The following CWC27 variants were observed in gnomAD, a reference collection of about 807,000 sequenced individuals.
CWC27 encodes spliceosome-associated protein CWC27 homolog.
In CWC27, 47 loss-of-function variants were observed where a neutral mutation model predicts 63.6. The ratio of observed to expected loss-of-function variants is 0.74; its 90% CI spans 0.58 to 0.94. CWC27 has a LOEUF of 0.94. Ranked by LOEUF, CWC27 falls within the 40% of genes least tolerant of loss-of-function variation. The pLI, the probability that CWC27 is intolerant of heterozygous loss-of-function variation, is 0.00. For synonymous variants in CWC27, 175 were observed against 179.8 expected (o/e 0.97, Z 0.22); for missense variants, 495 against 554.3 (o/e 0.89, Z 1.07).
intron 10 of CWC27, among the ~76,000 whole-genome samples, chr5:64,830,865 G>C (rs1013613195): frequency 1.9e-4 from 29 of 152,052 alleles, no homozygotes; most frequent in Non-Finnish European, 4.3e-4. Context: ...TGTTGTATAT[G>C]TGCCACATTT....
chr5:64,834,598 C>T (rs984146633), intron 10 of CWC27, among the ~76,000 whole-genome samples: 3 of 151,660 alleles, frequency 2.0e-5, no homozygotes, highest in Non-Finnish European at 4.4e-5. Context: ...GAAAGTGGAG[C>T]GATTTCCAAG....
chr5:64,890,308 C>A (rs897550529), intron 11 of CWC27, among the ~76,000 whole-genome samples: 4 of 152,184 alleles, frequency 2.6e-5, no homozygotes, highest in Non-Finnish European at 4.4e-5. Context: ...CTTTTTAATA[C>A]TGGATCAAAT....
intron 10 of CWC27, among the ~76,000 whole-genome samples, chr5:64,866,951 A>C (rs1746543998): frequency 6.6e-6 from 1 of 152,080 alleles, no homozygotes; most frequent in South Asian, 2.1e-4. Flanking sequence ...TGTAGGAAAA[A>C]TGTATGACAC....
intron 13 of CWC27, among the ~76,000 whole-genome samples, chr5:65,014,932 G>C (rs57076602): frequency 0.023 from 3,572 of 152,288 alleles, 143 homozygotes; most frequent in African/African-American, 0.081. Context: ...TGATATTAAA[G>C]CTGAAGTAGT....
At chr5:64,858,137 C>CAAAAAA (rs529762534) in intron 10 of CWC27, among the ~76,000 whole-genome samples, 1 of 23,086 alleles carries the variant, frequency 4.3e-5, no homozygotes. Context: ...GACTCCGTCT[C>CAAAAAA]AAAAAAAAAA....
At chr5:64,848,984 C>T (rs1463224534) in intron 10 of CWC27, among the ~76,000 whole-genome samples, 5 of 152,026 alleles carry the variant, frequency 3.3e-5, no homozygotes, top group Non-Finnish European at 7.4e-5. Flanking sequence ...AATTCCTTTC[C>T]AGAGCAGACA....
Position 64,990,377 on chromosome 5 carries a change from T to G in CWC27, c.1256+13139T>G, listed in dbSNP as rs1358805326. Among the ~76,000 whole-genome samples, 8 of 99,196 alleles carry G rather than the reference T, an allele frequency of 8.1e-5. 2 individuals carry two copies. The highest frequency in any genetic ancestry group is 1.7e-4 in the Non-Finnish European group (8 of 46,446). The allele number at this position is 99,196 out of a possible 152,430, so 65.1% of individuals were successfully genotyped here. A position where few individuals can be genotyped will look rare whatever the true frequency, so the allele number is the denominator to read the frequency against. ...CCTCCCGGGTTCACGCCATTCTCCT[T>G]CCTCAGCCTCCCAAGTAGCTGGGAC... On this transcript the variant is annotated intron_variant, in intron 13 of 13. Coordinates refer to ENST00000381070, the MANE Select transcript of CWC27 (RefSeq NM_005869.4).
chr5:64,805,028 A>G (rs1432208014), intron 10 of CWC27: 2 of 152,090 alleles, frequency 1.3e-5, no homozygotes, highest in Admixed American at 6.6e-5. Context: ...TATACATTTT[A>G]AATAATATTG....
At chr5:64,837,353 A>G (rs1280714687) in intron 10 of CWC27, among the ~76,000 whole-genome samples, 1 of 152,112 alleles carries the variant, frequency 6.6e-6, no homozygotes, top group Non-Finnish European at 1.5e-5. Flanking sequence ...GAAGATGTTA[A>G]GCTCTTCAAT....
chr5:64,927,414 C>T (rs1424534545), intron 11 of CWC27, among the ~76,000 whole-genome samples: 1 of 152,186 alleles, frequency 6.6e-6, no homozygotes, highest in Non-Finnish European at 1.5e-5. Context: ...TCCTGCCCCT[C>T]TTCTTCACAG....
At chr5:64,988,143 T>C (rs1749469973) in intron 13 of CWC27, among the ~76,000 whole-genome samples, 1 of 152,200 alleles carries the variant, frequency 6.6e-6, no homozygotes, top group Non-Finnish European at 1.5e-5. Context: ...TTATTGTATT[T>C]TTCAGTTCTA....
At chr5:64,902,802 T>G (rs547225535) in intron 11 of CWC27, among the ~76,000 whole-genome samples, 1 of 152,190 alleles carries the variant, frequency 6.6e-6, no homozygotes, top group African/African-American at 2.4e-5. Flanking sequence ...ATAAATCAAT[T>G]TGAAGAAAAT....
intron 11 of CWC27, among the ~76,000 whole-genome samples, chr5:64,962,046 G>C (rs536166495): frequency 1.3e-5 from 2 of 152,166 alleles, no homozygotes; most frequent in East Asian, 3.8e-4. Context: ...AGAGCACTCT[G>C]TATTAGAAAA....
intron 11 of CWC27, among the ~76,000 whole-genome samples, chr5:64,924,988 C>T (rs1014947687): frequency 3.3e-5 from 5 of 150,344 alleles, no homozygotes; most frequent in Non-Finnish European, 4.5e-5. Flanking sequence ...CACACACACA[C>T]GAAAATTCAC....
intron 10 of CWC27, among the ~76,000 whole-genome samples, chr5:64,837,013 G>A (rs182223084): frequency 2.4e-4 from 36 of 152,116 alleles, no homozygotes; most frequent in Admixed American, 1.5e-3. Context: ...GATGGCTTTC[G>A]TGCTTGCCAC....
chr5:64,971,102 A>G (rs1467243260), intron 11 of CWC27, among the ~76,000 whole-genome samples: 1 of 152,142 alleles, frequency 6.6e-6, no homozygotes, highest in African/African-American at 2.4e-5. Context: ...ACTGTGTTTT[A>G]TGAACCAAGA....
chr5:64,887,982 AC>A (rs1561447632), intron 11 of CWC27, among the ~76,000 whole-genome samples: 1 of 152,156 alleles, frequency 6.6e-6, no homozygotes, highest in Non-Finnish European at 1.5e-5. Flanking sequence ...TCCTAATAGC[AC>A]TCTAACAATA....
At chr5:64,940,495 C>T (rs1748452107) in intron 11 of CWC27, among the ~76,000 whole-genome samples, 1 of 152,174 alleles carries the variant, frequency 6.6e-6, no homozygotes, top group African/African-American at 2.4e-5. Context: ...GTTGGAAATG[C>T]AGAAATCACC....
chr5:64,787,695 T>C (rs915326732), intron 6 of CWC27, among the ~76,000 whole-genome samples: 6 of 152,122 alleles, frequency 3.9e-5, no homozygotes, highest in Non-Finnish European at 7.4e-5. Flanking sequence ...TTATTAATAC[T>C]GTCTGTATAT....
Sources: allele counts gnomAD v4.1 joint callset (sites outside exome capture counted in the v4.1 genomes callset), GRCh38; gene constraint gnomAD v4.1.1; transcripts MANE v1.5; gene names NCBI Gene and HGNC (gene_info 2026-07-23, HGNC 2026-07-21).